THSD7B: variants seen among roughly 807,000 people sequenced by gnomAD.
The protein encoded by THSD7B is thrombospondin type-1 domain-containing protein 7B.
In THSD7B, 138 loss-of-function variants were observed where a neutral mutation model predicts 213.6. The ratio of observed to expected loss-of-function variants is 0.65; its 90% CI spans 0.56 to 0.74. The LOEUF (loss-of-function observed/expected upper bound fraction) is 0.74. Ranked by LOEUF, THSD7B falls within the 30% of genes least tolerant of loss-of-function variation. THSD7B has a pLI of 0.00. For missense variants in THSD7B, 1,931 were observed against 1,991.5 expected, an observed-to-expected ratio of 0.97 and a Z score of 0.58; for synonymous variants, 742 against 687.0, an observed-to-expected ratio of 1.08 and a Z score of -1.25.
intron 2 of THSD7B, among the ~76,000 whole-genome samples, chr2:136,883,886 T>A (rs1683669038): frequency 6.6e-6 from 1 of 152,218 alleles, no homozygotes; most frequent in African/African-American, 2.4e-5. Context: ...TGGTATTCAT[T>A]ACTTCTTTCC....
At chr2:137,047,560 T>G (rs1301689981) in intron 2 of THSD7B, among the ~76,000 whole-genome samples, 1 of 152,120 alleles carries the variant, frequency 6.6e-6, no homozygotes, top group Non-Finnish European at 1.5e-5. Context: ...AAAAAGGAAC[T>G]TGGAATGGGA....
At chr2:137,426,146 A>T (rs1687049289) in intron 14 of THSD7B, among the ~76,000 whole-genome samples, 1 of 152,204 alleles carries the variant, frequency 6.6e-6, no homozygotes, top group African/African-American at 2.4e-5. Context: ...GTAAGCTGAA[A>T]ACTATAAAAC....
intron 15 of THSD7B, among the ~76,000 whole-genome samples, chr2:137,557,360 A>G (rs1205773536): frequency 6.6e-6 from 1 of 152,250 alleles, no homozygotes; most frequent in East Asian, 1.9e-4. Flanking sequence ...CCACAGTGCA[A>G]TCAAACTAGA....
chr2:137,275,700 G>A (rs1682853682), intron 11 of THSD7B, among the ~76,000 whole-genome samples: 1 of 151,900 alleles, frequency 6.6e-6, no homozygotes, highest in African/African-American at 2.4e-5. Context: ...TAGCCACAGG[G>A]CCAATTCAAA....
intron 17 of THSD7B, among the ~76,000 whole-genome samples, chr2:137,612,844 T>C (rs1222850543): frequency 1.3e-5 from 2 of 152,150 alleles, no homozygotes; most frequent in African/African-American, 4.8e-5. Context: ...TCAAAATTGA[T>C]TAGGACACAG....
intron 6 of THSD7B, among the ~76,000 whole-genome samples, chr2:137,165,356 C>A (rs1410320940): frequency 6.6e-6 from 1 of 152,178 alleles, no homozygotes; most frequent in African/African-American, 2.4e-5. Context: ...TGCCTATATT[C>A]CCTCTTGGGA....
At chr2:137,542,331 T>G (rs1298070863) in intron 15 of THSD7B, among the ~76,000 whole-genome samples, 1 of 151,672 alleles carries the variant, frequency 6.6e-6, no homozygotes, top group Non-Finnish European at 1.5e-5. Flanking sequence ...AGTCAATCAA[T>G]ACTTACATAT....
chr2:137,329,496 G>C lies in THSD7B; in HGVS notation c.2500+53470G>C, dbSNP rs1315892825. On this transcript the variant is annotated intron_variant, in intron 12 of 27. Coordinates refer to ENST00000409968, the MANE Select transcript of THSD7B (RefSeq NM_001316349.2). Reference sequence around the variant, plus strand: ...TTCTCTTACCTCAGCCTCCCAAGTAGCTGGGATTATAGGTGCCTGCCACTA... The same window carrying C: ...TTCTCTTACCTCAGCCTCCCAAGTACCTGGGATTATAGGTGCCTGCCACTA... Among the ~76,000 whole-genome samples the C allele has an allele frequency of 3.3e-5, 5 of 152,182 alleles. 1 individual carries two copies. The highest frequency in any genetic ancestry group is 3.3e-4 in the Admixed American group (5 of 15,288).
At chr2:137,345,647 T>A (rs572131783) in intron 12 of THSD7B, among the ~76,000 whole-genome samples, 2 of 151,548 alleles carry the variant, frequency 1.3e-5, no homozygotes, top group Non-Finnish European at 3.0e-5. Flanking sequence ...ATAATGACTG[T>A]GACCAAGAAG....
chr2:136,805,589 C>G (rs1682266468), intron 1 of THSD7B, among the ~76,000 whole-genome samples: 1 of 152,054 alleles, frequency 6.6e-6, no homozygotes, highest in Non-Finnish European at 1.5e-5. Context: ...GTTCGGTTCT[C>G]TCTCCCCTCT....
chr2:137,351,853 A>C (rs1685020111), intron 12 of THSD7B, among the ~76,000 whole-genome samples: 1 of 151,940 alleles, frequency 6.6e-6, no homozygotes, highest in African/African-American at 2.4e-5. Flanking sequence ...AATGCACTAA[A>C]TCAAGCTTGT....
chr2:136,779,262 CCTT>C (rs1681680796), intron 1 of THSD7B, among the ~76,000 whole-genome samples: 1 of 143,758 alleles, frequency 7.0e-6, no homozygotes, highest in African/African-American at 2.6e-5. Flanking sequence ...AATGTCAAGT[CCTT>C]GATCAGGAAA....
intron 4 of THSD7B, among the ~76,000 whole-genome samples, chr2:137,105,367 C>A (rs1261136466): frequency 6.6e-6 from 1 of 152,082 alleles, no homozygotes; most frequent in Admixed American, 6.6e-5. Context: ...CCCCTTCATG[C>A]TATAAACTCA....
intron 2 of THSD7B, among the ~76,000 whole-genome samples, chr2:136,882,765 A>G (rs191969206): frequency 1.6e-3 from 248 of 152,330 alleles, no homozygotes; most frequent in African/African-American, 5.7e-3. Flanking sequence ...GAGAGCATGA[A>G]AAATTATCCT....
intron 2 of THSD7B, among the ~76,000 whole-genome samples, chr2:136,891,530 A>G (rs1683859071): frequency 6.6e-6 from 1 of 152,210 alleles, no homozygotes; most frequent in Admixed American, 6.5e-5. Flanking sequence ...TCCCAAATAC[A>G]GTGGTTTAAA....
At chr2:137,591,489 T>A (rs573198738) in intron 17 of THSD7B, among the ~76,000 whole-genome samples, 1 of 152,082 alleles carries the variant, frequency 6.6e-6, no homozygotes, top group East Asian at 1.9e-4. Context: ...AAGTTTTTCA[T>A]ATTATTTAAG....
At chr2:137,174,469 G>T (rs1573867788) in intron 7 of THSD7B, among the ~76,000 whole-genome samples, 1 of 152,250 alleles carries the variant, frequency 6.6e-6, no homozygotes, top group East Asian at 1.9e-4. Flanking sequence ...TTTCTGATGT[G>T]CCTAAACTTT....
chr2:136,997,720 C>T (rs1384014084), intron 2 of THSD7B, among the ~76,000 whole-genome samples: 2 of 152,086 alleles, frequency 1.3e-5, no homozygotes, highest in African/African-American at 2.4e-5. Context: ...AAACAAATGC[C>T]TAGTCATAGA....
chr2:137,091,332 A>G (rs1194480717), intron 3 of THSD7B, among the ~76,000 whole-genome samples: 1 of 152,182 alleles, frequency 6.6e-6, no homozygotes, highest in Non-Finnish European at 1.5e-5. Context: ...ATGAAATAGC[A>G]TGGGGCTTTC....
Sources: allele counts gnomAD v4.1 joint callset (sites outside exome capture counted in the v4.1 genomes callset), GRCh38; gene constraint gnomAD v4.1.1; transcripts MANE v1.5; gene names NCBI Gene and HGNC (gene_info 2026-07-23, HGNC 2026-07-21).